ASMT: variants seen among roughly 807,000 people sequenced by gnomAD.
ASMT encodes the protein acetylserotonin N-methyltransferase.
A neutral mutation model predicts 41.3 loss-of-function variants in ASMT; 53 were observed. The observed-to-expected ratio is 1.28, with a 90% CI of 1.03 to 1.61. The LOEUF (loss-of-function observed/expected upper bound fraction) is 1.61, where lower values mean the gene tolerates loss of function less well. Ranked by LOEUF, ASMT falls within the 40% of genes most tolerant of loss-of-function variation. ASMT has a pLI of 0.00. For synonymous variants in ASMT, 231 were observed against 184.8 expected, an observed-to-expected ratio of 1.25 and a Z score of -2.03; for missense variants, 531 against 441.3, an observed-to-expected ratio of 1.20 and a Z score of -1.82.
rs756981204 is a variant in ASMT, at chrX:1,642,983, C to A, written c.1091C>A (p.Ala364Asp). 4.3e-6 allele frequency: 7 copies of A among 1,613,790 alleles called. No individual in the cohort carries two copies. In the South Asian group the frequency reaches 7.7e-5, roughly 18 times the overall value. Residue 364 changes from alanine to aspartate, a missense_variant, in exon 9 of 9, where the codon GCC becomes GAC. Coordinates refer to ENST00000381241, the MANE Select transcript of ASMT (RefSeq NM_001171038.2). The stretch of plus-strand genomic sequence containing the variant: ...GACTTCCAGTTTAAGAAAACAGGAG[C>A]CATTTATGATGCCATTTTAGCCAGG... ...FRDFQFKKTG[A>D]IYDAILARK
intron 4 of ASMT, 142 bp from the exon 5 acceptor site, chrX:1,629,679 T>G (rs1432246014): frequency 7.4e-5 from 62 of 834,008 alleles, no homozygotes; most frequent in Non-Finnish European, 1.2e-4. Context: ...CCGAATGACT[T>G]CCTGTTCCAT....
At chrX:1,631,675 G>A (rs1276181518) in intron 5 of ASMT, among the ~76,000 whole-genome samples, 2 of 152,162 alleles carry the variant, frequency 1.3e-5, no homozygotes, top group African/African-American at 4.8e-5. Flanking sequence ...AGCACTTTGG[G>A]AGGCCGAGGC....
intron 6 of ASMT, 91 bp downstream of exon 6, chrX:1,632,878 G>GGAGGGAGA: frequency 1.8e-6 from 1 of 548,800 alleles, no homozygotes; most frequent in Non-Finnish European, 3.3e-6. Context: ...GGAGGCTGGG[G>GGAGGGAGA]GAGGGAGAGC....
intron 4 of ASMT, among the ~76,000 whole-genome samples, chrX:1,628,772 T>C (rs1480253348): frequency 1.3e-5 from 2 of 150,716 alleles, no homozygotes; most frequent in East Asian, 2.0e-4. Flanking sequence ...CCTCTCTCCT[T>C]TCCTCTCGCC....
chrX:1,625,362 G>A (rs1934494659), intron 3 of ASMT, among the ~76,000 whole-genome samples: 1 of 151,404 alleles, frequency 6.6e-6, no homozygotes, highest in Non-Finnish European at 1.5e-5. Flanking sequence ...CCTACATGGT[G>A]GCAGGCACCT....
In ASMT at chrX:1,616,238, AG is replaced by A. The variant is rs1473349331; in HGVS notation, c.69+972del. 5.6e-4 allele frequency among the ~76,000 whole-genome samples: 85 copies of A among 151,594 alleles called. 2 individuals carry two copies. The highest frequency in any genetic ancestry group is 2.0e-3 in the African/African-American group (82 of 41,432). ...GAGATGGGGTTTCACCATGTTGGCC[AG>A]GCTGGTCTCGAACTCCTGACCTCAA... On this transcript the variant is annotated intron_variant, in intron 1 of 8. Transcript: ENST00000381241.
chrX:1,634,322 C>T (rs1423367817), intron 7 of ASMT, among the ~76,000 whole-genome samples: 1 of 152,124 alleles, frequency 6.6e-6, no homozygotes, highest in Non-Finnish European at 1.5e-5. Context: ...TCAATTCCCC[C>T]AACAACAAGG....
At position 1,615,108 on chromosome X, in the gene ASMT, G is replaced by A. The variant is rs1258426993; in HGVS notation, c.-92G>A. Reference sequence around the variant, plus strand: ...GGAGAGTCAGGCAGCAGCTGTGAGCGGGTGGCTCTTCCCCACCTTGCCAGC... The same window carrying A: ...GGAGAGTCAGGCAGCAGCTGTGAGCAGGTGGCTCTTCCCCACCTTGCCAGC... On this transcript the variant is annotated 5_prime_UTR_variant, in exon 1 of 9. Coordinates refer to ENST00000381241, the MANE Select transcript of ASMT (RefSeq NM_001171038.2). 4.2e-5 allele frequency: 45 copies of A among 1,075,538 alleles called. No homozygotes were observed. Among genetic ancestry groups the A allele is most frequent in the African/African-American group, 2.0e-4 (13 of 64,626 alleles). The allele number at this position is 1,075,538 out of a possible 1,614,324, so 66.6% of individuals were successfully genotyped here.
chrX:1,624,353 G>A lies in ASMT; in HGVS notation c.329G>A (p.Gly110Asp), dbSNP rs1251118065. The change falls in exon 3 of 9, where the codon GGC becomes GAC. Residue 110 changes from glycine to aspartate, a missense_variant. By Grantham distance (94) the Gly-to-Asp change is moderately conservative. Transcript: ENST00000381241. ...TSQCSMLKYM[G>D]RTSYRCWGHL... ...CAATGCAGCATGCTGAAGTACATGG[G>A]CAGGACCAGCTACCGGTGCTGGGGC... 6.2e-7 allele frequency: 1 copy of A among 1,613,914 alleles called. No homozygotes were observed. Among genetic ancestry groups the A allele is most frequent in the East Asian group, 2.2e-5 (1 of 44,880 alleles).
intron 5 of ASMT, among the ~76,000 whole-genome samples, chrX:1,630,987 T>C (rs1934754162): frequency 6.7e-6 from 1 of 149,570 alleles, no homozygotes; most frequent in South Asian, 2.1e-4. Flanking sequence ...CTCCACTCAC[T>C]GCAAGCTCTG....
At chrX:1,642,718 T>C in intron 8 of ASMT, 85 bp from the exon 9 acceptor site, 1 of 1,280,300 alleles carries the variant, frequency 7.8e-7, no homozygotes, top group Non-Finnish European at 1.1e-6. Context: ...CTCTGAGGTC[T>C]GGCTGTCCTT....
chrX:1,632,519 G>A (rs1184962684), intron 5 of ASMT, among the ~76,000 whole-genome samples, 185 bp from the exon 6 acceptor site: 61 of 152,072 alleles, frequency 4.0e-4, no homozygotes, highest in Non-Finnish European at 7.5e-4. Flanking sequence ...GCTGGGCGTG[G>A]TGGCGGGCGC....
At chrX:1,628,924 CTCTTTCTTTCTCTCTCTCTT>C (rs1934663280) in intron 4 of ASMT, among the ~76,000 whole-genome samples, 1 of 121,896 alleles carries the variant, frequency 8.2e-6, no homozygotes, top group South Asian at 2.6e-4. Flanking sequence ...CCCCGTTTCT[CTCTTTCTTTCTCTCTCTCTT>C]TCTTTCTTTC....
intron 3 of ASMT, among the ~76,000 whole-genome samples, chrX:1,625,383 C>A (rs1934495368): frequency 1.3e-5 from 2 of 151,612 alleles, no homozygotes; most frequent in Admixed American, 6.6e-5. Context: ...GTAGTCCCAG[C>A]TACTCAGGAG....
At chrX:1,617,554 G>A (rs1324894902) in intron 1 of ASMT, among the ~76,000 whole-genome samples, 6 of 152,046 alleles carry the variant, frequency 3.9e-5, no homozygotes, top group African/African-American at 1.4e-4. Flanking sequence ...CAGCTCTCGT[G>A]TGACTTGAAA....
chrX:1,634,221 C>T (rs192617136), intron 7 of ASMT, among the ~76,000 whole-genome samples: 1 of 152,306 alleles, frequency 6.6e-6, no homozygotes, highest in East Asian at 1.9e-4. Flanking sequence ...AGATGCATAT[C>T]AGCGAAGGAG....
In ASMT at chrX:1,623,244, G is replaced by C. The variant is rs1201050690; in HGVS notation, c.175G>C (p.Gly59Arg). The change falls in exon 2 of 9, where the codon GGG (glycine) becomes CGG (arginine). Residue 59 changes from glycine (G) to arginine (R), a missense_variant. By Grantham distance (125) the Gly-to-Arg change is moderately radical (BLOSUM62 -2). Transcript: ENST00000381241. Reference protein sequence around the residue: ...VAAGVRASAHGTELLLDICVS... With the variant: ...VAAGVRASAHRTELLLDICVS... ...TGCAGGTGTGAGGGCCAGCGCCCATGGGACAGAGCTCCTGCTGGACATCTG... is the reference window on the plus strand; with the variant it reads ...TGCAGGTGTGAGGGCCAGCGCCCATCGGACAGAGCTCCTGCTGGACATCTG... 1.2e-6 allele frequency: 2 copies of C among 1,613,844 alleles called. No homozygotes were observed. The highest frequency in any genetic ancestry group is 3.3e-5 in the Admixed American group (2 of 60,000).
rs1252610037 is a variant in ASMT, at chrX:1,623,238, G to A, written c.169G>A (p.Ala57Thr). Reference protein sequence around the residue: ...AAVAAGVRASAHGTELLLDIC... With the variant: ...AAVAAGVRASTHGTELLLDIC... ...AGTGGCTGCAGGTGTGAGGGCCAGCGCCCATGGGACAGAGCTCCTGCTGGA... is the reference window on the plus strand; with the variant it reads ...AGTGGCTGCAGGTGTGAGGGCCAGCACCCATGGGACAGAGCTCCTGCTGGA... The change falls in exon 2 of 9, where the codon GCC (alanine) becomes ACC (threonine). Residue 57 changes from alanine to threonine, a missense_variant. By Grantham distance (58) the Ala-to-Thr change is moderately conservative. Coordinates refer to ENST00000381241, the MANE Select transcript of ASMT (RefSeq NM_001171038.2). 5 of 1,613,756 alleles carry A rather than the reference G, an allele frequency of 3.1e-6. No homozygotes were observed. Among genetic ancestry groups the A allele is most frequent in the Admixed American group, 1.7e-5 (1 of 59,988 alleles).
At chrX:1,623,373 G>A (rs1242767400) in intron 2 of ASMT, 60 bp downstream of exon 2, 3 of 1,597,806 alleles carry the variant, frequency 1.9e-6, no homozygotes, top group Non-Finnish European at 2.6e-6. Context: ...CAGCCCACGT[G>A]TTCTGTAAAA....
Sources: allele counts gnomAD v4.1 joint callset (sites outside exome capture counted in the v4.1 genomes callset), GRCh38; gene constraint gnomAD v4.1.1; transcripts MANE v1.5; gene names NCBI Gene and HGNC (gene_info 2026-07-23, HGNC 2026-07-21).